Variants in WDR37 observed in about 807,000 individuals in gnomAD.
WDR37 encodes the protein WD repeat domain 37.
WDR37 carries 19 observed loss-of-function variants against 62.9 expected under a neutral mutation model. The ratio of observed to expected loss-of-function variants is 0.30; its 90% CI spans 0.21 to 0.44. The LOEUF (loss-of-function observed/expected upper bound fraction) is 0.44. Among genes scored for constraint, WDR37 ranks in the 20% least tolerant of loss-of-function variants. The probability of loss-of-function intolerance (pLI) is 1.00; values close to 1 mark genes in which losing one functional copy is unlikely to be tolerated. For missense variants in WDR37, 474 were observed against 657.6 expected (o/e 0.72, Z 3.05); for synonymous variants, 250 against 260.9 (o/e 0.96, Z 0.40).
At chr10:1,125,373 G>A (rs972437940) in intron 13 of WDR37, among the ~76,000 whole-genome samples, 1 of 152,100 alleles carries the variant, frequency 6.6e-6, no homozygotes, top group Non-Finnish European at 1.5e-5. Flanking sequence ...ACAGGCATGC[G>A]CCACCACGCC....
At chr10:1,093,535 T>C (rs1290349930) in intron 8 of WDR37, 39 bp downstream of exon 8, 1 of 1,521,772 alleles carries the variant, frequency 6.6e-7, no homozygotes, top group Non-Finnish European at 9.1e-7. Context: ...AAATGATAGA[T>C]GGTCTTAAAA....
rs569043635 is a variant in WDR37, at chr10:1,106,042, C to T, written c.1103+775C>T. Among the ~76,000 whole-genome samples the T allele has an allele frequency of 2.0e-5, 3 of 152,270 alleles. No homozygotes were observed. In the East Asian group the frequency reaches 5.8e-4, roughly 29 times the overall value. On this transcript the variant is annotated intron_variant, in intron 11 of 13. Coordinates refer to ENST00000263150, the MANE Select transcript of WDR37 (RefSeq NM_014023.4). ...CGTCGTGATCCGCCTGTCTCGGCCT[C>T]CCAAAGTGCTGGGATTACAGGCGTG...
intron 9 of WDR37, among the ~76,000 whole-genome samples, chr10:1,098,326 G>GTTTTTTT (rs34462108): frequency 5.8e-5 from 7 of 120,282 alleles, no homozygotes; most frequent in East Asian, 4.9e-4. Flanking sequence ...CCATCTGTCC[G>GTTTTTTT]TTTTTTTTTT....
intron 8 of WDR37, among the ~76,000 whole-genome samples, chr10:1,094,466 A>G (rs981057340): frequency 3.9e-5 from 6 of 152,200 alleles, no homozygotes; most frequent in African/African-American, 1.4e-4. Context: ...TGGAGTTTCT[A>G]TGTGAGAGAG....
chr10:1,121,099 A>G lies in WDR37; in HGVS notation c.1104-3119A>G, dbSNP rs530835624. ...CACGGCCGTGCGCGCCAGCCTCCCC[A>G]TGGGACCTGTGGGCTGAGGGTGCCT... On this transcript the variant is annotated intron_variant, in intron 11 of 13. Coordinates refer to ENST00000263150, the MANE Select transcript of WDR37 (RefSeq NM_014023.4). The surrounding 1 kb of genome is among the most constrained non-coding windows in gnomAD (Gnocchi z 4.5). 3.3e-5 allele frequency among the ~76,000 whole-genome samples: 5 copies of G among 152,290 alleles called. No homozygotes were observed. The highest frequency in any genetic ancestry group is 4.1e-4 in the South Asian group (2 of 4,826).
At chr10:1,093,524 A>G (rs1474150899) in intron 8 of WDR37, 28 bp downstream of exon 8, 4 of 1,562,572 alleles carry the variant, frequency 2.6e-6, no homozygotes, top group Non-Finnish European at 3.5e-6. Context: ...TTTATTGAAC[A>G]AAATGATAGA....
intron 2 of WDR37, chr10:1,074,430 G>C: frequency 7.7e-7 from 1 of 1,304,260 alleles, no homozygotes; most frequent in Non-Finnish European, 1.0e-6. Context: ...TTTGGCCTGT[G>C]TCTCCCACGC....
chr10:1,108,917 A>T (rs778675178), intron 11 of WDR37, among the ~76,000 whole-genome samples: 2 of 152,160 alleles, frequency 1.3e-5, no homozygotes, highest in African/African-American at 4.8e-5. Flanking sequence ...GTGTCTAGAG[A>T]GCAGGGCAGC....
rs537438697 is a variant in WDR37 at position 1,066,184 on chromosome 10, T to C, written c.-40-5932T>C. Among the ~76,000 whole-genome samples the C allele has an allele frequency of 1.5e-4, 23 of 152,280 alleles. No homozygotes were observed. The South Asian group carries it at 4.1e-3, about 27-fold the overall frequency. ...AGGTTGGAGTGCAGTGGCGCGATCT[T>C]GGCTCACTGCAACCTCCGCCTCCCG... On this transcript the variant is annotated intron_variant, in intron 1 of 13. Transcript: ENST00000263150.
At chr10:1,078,332 A>T (rs964649829) in intron 3 of WDR37, among the ~76,000 whole-genome samples, 2 of 152,264 alleles carry the variant, frequency 1.3e-5, no homozygotes, top group African/African-American at 4.8e-5. Flanking sequence ...AAATTGATGC[A>T]TATACTATAT....
rs1717755695 is a variant in WDR37, at chr10:1,096,400, G to A, written c.726+154G>A. On this transcript the variant is annotated intron_variant, in intron 9 of 13. Coordinates refer to ENST00000263150, the MANE Select transcript of WDR37 (RefSeq NM_014023.4). The stretch of plus-strand genomic sequence containing the variant: ...CGGTATGGTTGAATTTGGAGATTGG[G>A]CCTCTAAGGTAGTAGTTAAGGTTCA... 4 of 764,978 alleles carry A rather than the reference G, an allele frequency of 5.2e-6. No homozygotes were observed. In the South Asian group the frequency reaches 6.6e-5, roughly 13 times the overall value. The allele number at this position is 764,978 out of a possible 1,614,324, so 47.4% of individuals were successfully genotyped here.
At chr10:1,072,533 C>T (rs897933490) in intron 2 of WDR37, among the ~76,000 whole-genome samples, 7 of 152,158 alleles carry the variant, frequency 4.6e-5, no homozygotes, top group Non-Finnish European at 8.8e-5. Context: ...AGGCTCATCT[C>T]GAACTCCTAA....
rs1012750888 is a variant in WDR37, at chr10:1,103,025, C to A, written c.727-577C>A. ...GGTGGGGACTGGCACTCTGTCACCC[C>A]CTGATAAATATTTGTTGGATGAATA... is the stretch of plus-strand genomic sequence containing the variant. On this transcript the variant is annotated intron_variant, in intron 9 of 13. Coordinates refer to ENST00000263150, the MANE Select transcript of WDR37 (RefSeq NM_014023.4). This position sits in a 1 kb window ranked among gnomAD's most constrained non-coding sequence, Gnocchi z 6.3. Among the ~76,000 whole-genome samples the A allele has an allele frequency of 3.0e-4, 45 of 152,066 alleles. 1 individual carries two copies. Among genetic ancestry groups the A allele is most frequent in the Non-Finnish European group, 7.4e-5 (5 of 68,020 alleles).
chr10:1,075,813 G>T (rs1243177868), intron 2 of WDR37, among the ~76,000 whole-genome samples: 2 of 145,996 alleles, frequency 1.4e-5, no homozygotes, highest in African/African-American at 5.1e-5. Flanking sequence ...ACGGAGTCTC[G>T]CTCCGTTGTC....
At chr10:1,118,726 A>G (rs1835480264) in intron 11 of WDR37, among the ~76,000 whole-genome samples, 1 of 150,234 alleles carries the variant, frequency 6.7e-6, no homozygotes, top group Admixed American at 6.6e-5. Context: ...AACACTTTGT[A>G]AAAAAAAAGA....
chr10:1,111,624 G>A (rs925644781), intron 11 of WDR37, among the ~76,000 whole-genome samples: 19 of 152,158 alleles, frequency 1.2e-4, no homozygotes, highest in African/African-American at 3.9e-4. Context: ...TCCTTTTGAT[G>A]TGTCTTATTT....
chr10:1,101,214 G>A lies in WDR37; in HGVS notation c.727-2388G>A, dbSNP rs551059689. 4.6e-5 allele frequency among the ~76,000 whole-genome samples: 7 copies of A among 152,328 alleles called. 1 individual carries two copies. The South Asian group carries it at 1.5e-3, about 32-fold the overall frequency. On this transcript the variant is annotated intron_variant, in intron 9 of 13. Transcript: ENST00000263150. ...GGGGCTGCCATAACAAAGTGCCACA[G>A]GCAGGGTGACTTCTGAACAACAGAT...
At chr10:1,095,055 C>G (rs1834525385) in intron 8 of WDR37, among the ~76,000 whole-genome samples, 1 of 148,240 alleles carries the variant, frequency 6.7e-6, no homozygotes, top group Admixed American at 6.7e-5. Context: ...GAGAGTTAGA[C>G]TGGGAAACGT....
intron 11 of WDR37, among the ~76,000 whole-genome samples, chr10:1,122,892 T>A (rs1835628259): frequency 6.6e-6 from 1 of 152,274 alleles, no homozygotes; most frequent in Admixed American, 6.5e-5. Flanking sequence ...TAACATCCTT[T>A]GTTTACATGT....
Sources: gnomAD v4.1 joint callset for allele counts (sites outside exome capture counted in the v4.1 genomes callset) on GRCh38, gnomAD v4.1.1 for gene constraint, Gnocchi (gnomAD v3.1) non-coding constraint, MANE v1.5 for transcripts, NCBI Gene and HGNC (gene_info 2026-07-23, HGNC 2026-07-21) for gene names.